Variants in PDE4D observed in about 807,000 individuals in gnomAD.
The protein encoded by PDE4D is phosphodiesterase 4D.
A neutral mutation model predicts 87.4 loss-of-function variants in PDE4D; 24 were observed. The ratio of observed to expected loss-of-function variants is 0.27; its 90% CI spans 0.20 to 0.39. PDE4D has a LOEUF of 0.39. PDE4D is among the 10% of genes least tolerant of loss of function. The pLI, the probability that PDE4D is intolerant of heterozygous loss-of-function variation, is 1.00. For synonymous variants in PDE4D, 384 were observed against 383.2 expected, an observed-to-expected ratio of 1.00 and a Z score of -0.02; for missense variants, 714 against 1,041.0, an observed-to-expected ratio of 0.69 and a Z score of 4.32.
At chr5:59,384,248 G>T (rs1786510034) in intron 1 of PDE4D, among the ~76,000 whole-genome samples, 1 of 151,988 alleles carries the variant, frequency 6.6e-6, no homozygotes, top group South Asian at 2.1e-4. Context: ...AGAAATTGAG[G>T]CAACCATTAG....
chr5:60,263,116 C>T (rs922256827), intron 1 of PDE4D, among the ~76,000 whole-genome samples: 11 of 152,092 alleles, frequency 7.2e-5, no homozygotes, highest in African/African-American at 2.7e-4. Context: ...GTGCTAACGC[C>T]CACCTGTGCT....
chr5:59,630,177 C>T (rs1019829606), intron 1 of PDE4D, among the ~76,000 whole-genome samples: 3 of 152,188 alleles, frequency 2.0e-5, no homozygotes, highest in Non-Finnish European at 4.4e-5. Flanking sequence ...CATATGCACA[C>T]ATACGCACAT....
At chr5:59,236,465 A>G (rs1756446992) in intron 1 of PDE4D, among the ~76,000 whole-genome samples, 1 of 152,202 alleles carries the variant, frequency 6.6e-6, no homozygotes, top group Non-Finnish European at 1.5e-5. Flanking sequence ...GGTAAAGCTG[A>G]AGCTGGATCC....
At chr5:59,253,412 A>C (rs1760357628) in intron 1 of PDE4D, among the ~76,000 whole-genome samples, 2 of 152,148 alleles carry the variant, frequency 1.3e-5, no homozygotes. Flanking sequence ...TTAATTGGCA[A>C]GCTAATTGGA....
intron 1 of PDE4D, among the ~76,000 whole-genome samples, chr5:60,361,952 C>T (rs949761068): frequency 2.6e-5 from 4 of 152,222 alleles, no homozygotes; most frequent in African/African-American, 7.2e-5. Context: ...ACAGCCCAGA[C>T]TCACAGTTAC....
intron 1 of PDE4D, among the ~76,000 whole-genome samples, chr5:59,487,014 T>C (rs16889904): frequency 0.3 from 46,257 of 152,054 alleles, 7,437 homozygotes; most frequent in African/African-American, 0.35. Context: ...CTAAGAGTTG[T>C]CTATCAGGAA....
At chr5:59,879,380 C>A (rs1229895141) in intron 1 of PDE4D, among the ~76,000 whole-genome samples, 2 of 152,184 alleles carry the variant, frequency 1.3e-5, no homozygotes, top group East Asian at 3.9e-4. Context: ...ATATATTGAA[C>A]TACTCTCTTA....
chr5:59,063,714 C>T (rs1049912697), intron 5 of PDE4D, among the ~76,000 whole-genome samples: 1 of 152,090 alleles, frequency 6.6e-6, no homozygotes, highest in African/African-American at 2.4e-5. Context: ...TTGGGTTATT[C>T]TAACACTCAG....
At chr5:60,412,024 C>G (rs1172063433) in intron 1 of PDE4D, among the ~76,000 whole-genome samples, 2 of 152,120 alleles carry the variant, frequency 1.3e-5, no homozygotes, top group Non-Finnish European at 2.9e-5. Flanking sequence ...CTTAGAGTAA[C>G]TATCTCTTTT....
At chr5:59,798,063 A>T (rs1005961364) in intron 1 of PDE4D, among the ~76,000 whole-genome samples, 1 of 151,854 alleles carries the variant, frequency 6.6e-6, no homozygotes, top group Non-Finnish European at 1.5e-5. Context: ...GAGATTCCGC[A>T]TCTACAAAAA....
At chr5:59,249,939 C>T (rs1759590987) in intron 1 of PDE4D, among the ~76,000 whole-genome samples, 1 of 151,988 alleles carries the variant, frequency 6.6e-6, no homozygotes. Flanking sequence ...TCACTGCACC[C>T]TGAACACAAT....
intron 1 of PDE4D, among the ~76,000 whole-genome samples, chr5:59,667,943 C>G (rs1490415881): frequency 6.6e-6 from 1 of 152,238 alleles, no homozygotes; most frequent in Non-Finnish European, 1.5e-5. Context: ...TTGTACCATA[C>G]TTCCTGTTTT....
chr5:60,300,884 G>A (rs1382300834), intron 1 of PDE4D, among the ~76,000 whole-genome samples: 1 of 151,852 alleles, frequency 6.6e-6, no homozygotes, highest in African/African-American at 2.4e-5. Flanking sequence ...AATTCTTCTG[G>A]CTCAGCCTCC....
At chr5:59,683,278 G>C (rs1485638794) in intron 1 of PDE4D, among the ~76,000 whole-genome samples, 2 of 152,192 alleles carry the variant, frequency 1.3e-5, no homozygotes, top group African/African-American at 4.8e-5. Flanking sequence ...ATTGAATAAA[G>C]TAAATGTAGT....
At chr5:59,123,793 A>G (rs750866161) in intron 5 of PDE4D, among the ~76,000 whole-genome samples, 21 of 152,220 alleles carry the variant, frequency 1.4e-4, no homozygotes, top group Non-Finnish European at 2.4e-4. Context: ...CTGAGGCAGC[A>G]TAGCATAACA....
chr5:59,947,407 G>A (rs751330617), intron 3 of PDE4D, among the ~76,000 whole-genome samples: 4 of 152,158 alleles, frequency 2.6e-5, no homozygotes, highest in East Asian at 1.9e-4. Context: ...TAGTGTGGGC[G>A]GCCCGGGGGA....
intron 1 of PDE4D, among the ~76,000 whole-genome samples, chr5:59,537,520 G>A (rs1394929745): frequency 1.3e-5 from 2 of 152,112 alleles, no homozygotes; most frequent in Non-Finnish European, 2.9e-5. Context: ...TATTCTCAAG[G>A]CTAGTTGAAA....
chr5:59,191,607 C>T (rs1422556109), intron 3 of PDE4D, among the ~76,000 whole-genome samples: 28 of 151,838 alleles, frequency 1.8e-4, no homozygotes, highest in Admixed American at 1.8e-3. Flanking sequence ...CTTGCTCTGT[C>T]ACCCAGGCTG....
At chr5:59,285,481 G>C (rs1027038854) in intron 1 of PDE4D, among the ~76,000 whole-genome samples, 1 of 151,422 alleles carries the variant, frequency 6.6e-6, no homozygotes, top group Non-Finnish European at 1.5e-5. Flanking sequence ...TGCCTTCTGT[G>C]CCAAAAAGGA....
Sources: gnomAD v4.1 joint callset for allele counts (sites outside exome capture counted in the v4.1 genomes callset) on GRCh38, gnomAD v4.1.1 for gene constraint, MANE v1.5 for transcripts, NCBI Gene and HGNC (gene_info 2026-07-23, HGNC 2026-07-21) for gene names.